GAD2: variants seen among roughly 807,000 people sequenced by gnomAD.
GAD2 encodes the protein 65 kDa glutamic acid decarboxylase.
Under a neutral mutation model 80.1 loss-of-function variants are expected in GAD2, and 22 were observed. That is an observed-to-expected ratio of 0.27 (90% CI 0.20 to 0.39). The LOEUF is 0.39. GAD2 is among the 10% of genes least tolerant of loss of function. The pLI is 1.00. For synonymous variants in GAD2, 274 were observed against 256.9 expected (o/e 1.07, Z -0.64); for missense variants, 624 against 738.4 (o/e 0.85, Z 1.80).
chr10:26,292,169 A>G (rs1410717056), intron 13 of GAD2, among the ~76,000 whole-genome samples: 1 of 152,174 alleles, frequency 6.6e-6, no homozygotes, highest in Non-Finnish European at 1.5e-5. Flanking sequence ...GATTATTCCT[A>G]TGAATAGCAG....
At chr10:26,292,652 T>C in intron 14 of GAD2, 80 bp downstream of exon 14, 1 of 1,124,042 alleles carries the variant, frequency 8.9e-7, no homozygotes. Flanking sequence ...AATGATGTGC[T>C]GTCCAGGTAA....
intron 8 of GAD2, among the ~76,000 whole-genome samples, chr10:26,262,674 A>C (rs1845022927): frequency 6.6e-6 from 1 of 152,198 alleles, no homozygotes; most frequent in Non-Finnish European, 1.5e-5. Flanking sequence ...TCAGAGCTAT[A>C]CATTTTCCTC....
At position 26,224,645 on chromosome 10, in the gene GAD2, T is replaced by C; in HGVS notation, c.718T>C (p.Ser240Pro). Residue 240 changes from serine (S) to proline (P), a missense_variant, in exon 6 of 16, where the codon TCT becomes CCT. By Grantham distance (74) the Ser-to-Pro change is moderately conservative. Transcript: ENST00000376261. Reference protein sequence around the residue: ...WPGGSGDGIFSPGGAISNMYA... With the variant: ...WPGGSGDGIFPPGGAISNMYA... ...AGGGGGCTCTGGCGATGGGATATTT[T>C]CTCCCGGTACATGATATTTCAACTT... is the stretch of plus-strand genomic sequence containing the variant. The C allele has an allele frequency of 6.2e-7, 1 of 1,603,892 alleles. No individual in the cohort carries two copies. The highest frequency in any genetic ancestry group is 8.5e-7 in the Non-Finnish European group (1 of 1,170,712).
chr10:26,234,299 G>A (rs1844642582), intron 7 of GAD2, among the ~76,000 whole-genome samples: 1 of 150,792 alleles, frequency 6.6e-6, no homozygotes, highest in Non-Finnish European at 1.5e-5. Context: ...ACTCCAGCCT[G>A]GGCAACAGAG....
intron 11 of GAD2, among the ~76,000 whole-genome samples, chr10:26,274,771 G>A (rs965141439): frequency 3.3e-5 from 5 of 152,150 alleles, no homozygotes; most frequent in African/African-American, 1.2e-4. Context: ...GAAAGAGAGG[G>A]GTATGGTTAC....
intron 8 of GAD2, 92 bp from the exon 9 acceptor site, chr10:26,269,027 G>T: frequency 1.2e-6 from 1 of 804,794 alleles, no homozygotes; most frequent in Non-Finnish European, 2.0e-6. Flanking sequence ...TCAACAGTTT[G>T]GGGTTGGACT....
intron 7 of GAD2, among the ~76,000 whole-genome samples, chr10:26,230,956 G>T (rs1393528952): frequency 6.6e-6 from 1 of 152,104 alleles, no homozygotes; most frequent in Non-Finnish European, 1.5e-5. Flanking sequence ...CAGACAAGGT[G>T]GTAGGCAACT....
chr10:26,299,703 G>C (rs1008347506), intron 15 of GAD2, among the ~76,000 whole-genome samples: 8 of 152,194 alleles, frequency 5.3e-5, no homozygotes, highest in Non-Finnish European at 1.0e-4. Context: ...GTATTTGCTT[G>C]AAAGTAAGAG....
At chr10:26,216,755 GGCAGCTCGCCC>G, upstream of GAD2, 1 of 1,526,816 alleles carries the variant, frequency 6.5e-7, no homozygotes, top group Non-Finnish European at 9.0e-7. The surrounding 1 kb of genome is among the most constrained non-coding windows in gnomAD (Gnocchi z 4.7). Flanking sequence ...CCAAGCCCGA[GGCAGCTCGCCC>G]GCAGCTCGCA....
At chr10:26,252,127 C>A (rs752701242) in intron 8 of GAD2, among the ~76,000 whole-genome samples, 1 of 152,160 alleles carries the variant, frequency 6.6e-6, no homozygotes, top group Non-Finnish European at 1.5e-5. Flanking sequence ...AAAACACAAG[C>A]CTGGACCTGC....
Position 26,281,075 on chromosome 10 carries a change from G to C in GAD2, c.1224G>C (p.Leu408=), listed in dbSNP as rs1279147803. The change falls in exon 12 of 16, where the codon CTG becomes CTC. Residue 408 remains leucine, a synonymous_variant. Coordinates refer to ENST00000376261, the MANE Select transcript of GAD2 (RefSeq NM_001134366.2). ...TCCCTTTGCAGTGCTCTGCTCTCCT[G>C]GTTAGAGAAGAGGTATGTCTCTCTT... ...MGVPLQCSAL[L]VREEGLMQNC... The C allele has an allele frequency of 6.2e-7, 1 of 1,611,514 alleles. No homozygotes were observed. Among genetic ancestry groups the C allele is most frequent in the East Asian group, 2.2e-5 (1 of 44,820 alleles).
chr10:26,277,308 T>TG (rs1845220711), intron 11 of GAD2, among the ~76,000 whole-genome samples: 1 of 152,178 alleles, frequency 6.6e-6, no homozygotes, highest in Non-Finnish European at 1.5e-5. Context: ...TGCAGAAGTC[T>TG]TGGCCAGCCC....
intron 10 of GAD2, among the ~76,000 whole-genome samples, chr10:26,272,545 T>G (rs1200230131): frequency 8.6e-6 from 1 of 116,796 alleles, no homozygotes; most frequent in Non-Finnish European, 1.6e-5. Context: ...TAGTACACGT[T>G]TGGAAAATCA....
intron 7 of GAD2, among the ~76,000 whole-genome samples, chr10:26,231,252 T>C: frequency 6.6e-6 from 1 of 152,140 alleles, no homozygotes; most frequent in African/African-American, 2.4e-5. Flanking sequence ...TCAGGGCTCC[T>C]GTAAGGAAAT....
At chr10:26,269,369 C>A (rs2132304118) in intron 9 of GAD2, among the ~76,000 whole-genome samples, 196 bp downstream of exon 9, 1 of 152,324 alleles carries the variant, frequency 6.6e-6, no homozygotes, top group Middle Eastern at 3.4e-3. Context: ...GTTTAAATTG[C>A]TGAATAAATA....
intron 15 of GAD2, among the ~76,000 whole-genome samples, chr10:26,295,868 A>G (rs547803022): frequency 3.9e-5 from 6 of 152,334 alleles, no homozygotes; most frequent in Admixed American, 1.3e-4. Flanking sequence ...TAAATTCTGG[A>G]CAAGACAAGG....
intron 11 of GAD2, among the ~76,000 whole-genome samples, chr10:26,275,002 C>T (rs1381180269): frequency 1.3e-5 from 2 of 152,204 alleles, no homozygotes; most frequent in Non-Finnish European, 2.9e-5. Flanking sequence ...AGGTGTGTCT[C>T]CCTCCCAGGG....
In GAD2 at chr10:26,301,036, T is replaced by C. The variant is rs1417864609; in HGVS notation, c.*75T>C. 1.6e-6 allele frequency: 2 copies of C among 1,273,770 alleles called. No individual in the cohort carries two copies. The highest frequency in any genetic ancestry group is 1.5e-5 in the African/African-American group (1 of 67,542). 78.9% of individuals were successfully genotyped at this position (1,273,770 alleles called of 1,614,324 possible). A position where few individuals can be genotyped will look rare whatever the true frequency, so the allele number is the denominator to read the frequency against. On this transcript the variant is annotated 3_prime_UTR_variant, in exon 16 of 16. Coordinates refer to ENST00000376261, the MANE Select transcript of GAD2 (RefSeq NM_001134366.2). Reference sequence around the variant, plus strand: ...GTCACAAACTGTGTGAATGTATTTGTAGTTTGTTCCAAAGTAAATCTATTT... The same window carrying C: ...GTCACAAACTGTGTGAATGTATTTGCAGTTTGTTCCAAAGTAAATCTATTT...
chr10:26,242,786 A>C (rs1420938814), intron 7 of GAD2, among the ~76,000 whole-genome samples: 3 of 152,158 alleles, frequency 2.0e-5, no homozygotes, highest in Non-Finnish European at 4.4e-5. Context: ...AAGAACCCCT[A>C]TTCTTTCTCA....
Sources: gnomAD v4.1 joint callset for allele counts (sites outside exome capture counted in the v4.1 genomes callset) on GRCh38, gnomAD v4.1.1 for gene constraint, Gnocchi (gnomAD v3.1) non-coding constraint, MANE v1.5 for transcripts, NCBI Gene and HGNC (gene_info 2026-07-23, HGNC 2026-07-21) for gene names.